DTD1: variants seen among roughly 807,000 people sequenced by gnomAD.
DTD1 encodes the protein D-tyrosyl-tRNA deacylase 1 homolog.
A neutral mutation model predicts 25.6 loss-of-function variants in DTD1; 13 were observed. The observed-to-expected ratio is 0.51, with a 90% CI of 0.33 to 0.81. DTD1 has a LOEUF of 0.81. Among genes scored for constraint, DTD1 ranks in the 30% least tolerant of loss-of-function variants. DTD1 has a pLI of 0.02. For missense variants in DTD1, 193 were observed against 266.4 expected (o/e 0.72, Z 1.92); for synonymous variants, 110 against 103.6 (o/e 1.06, Z -0.37).
intron 4 of DTD1, among the ~76,000 whole-genome samples, chr20:18,677,082 A>G (rs2060979133): frequency 6.6e-6 from 1 of 152,190 alleles, no homozygotes; most frequent in South Asian, 2.1e-4. Flanking sequence ...ACAGCTGAAT[A>G]CCTTCTCTTG....
intron 5 of DTD1, among the ~76,000 whole-genome samples, chr20:18,760,232 A>G (rs898596266): frequency 2.0e-5 from 3 of 151,942 alleles, no homozygotes; most frequent in East Asian, 1.9e-4. Context: ...TCTTCTCTCA[A>G]CTCGTCAAAG....
chr20:18,733,822 T>G (rs1224918545), intron 4 of DTD1, among the ~76,000 whole-genome samples: 1 of 152,150 alleles, frequency 6.6e-6, no homozygotes, highest in Non-Finnish European at 1.5e-5. Flanking sequence ...GTATGAAAAT[T>G]AGGTACCATG....
chr20:18,589,546 A>C (rs1346146600), intron 1 of DTD1, among the ~76,000 whole-genome samples: 1 of 152,226 alleles, frequency 6.6e-6, no homozygotes, highest in African/African-American at 2.4e-5. Context: ...AATAGGGAAT[A>C]GAGTAGCACT....
intron 3 of DTD1, among the ~76,000 whole-genome samples, chr20:18,625,659 T>C (rs116026052): frequency 6.6e-6 from 1 of 152,326 alleles, no homozygotes; most frequent in African/African-American, 2.4e-5. Context: ...CCCAGGCTTA[T>C]TTTGAACCCC....
intron 4 of DTD1, among the ~76,000 whole-genome samples, chr20:18,726,273 C>T (rs6075403): frequency 0.33 from 50,165 of 151,996 alleles, 8,636 homozygotes; most frequent in Non-Finnish European, 0.38. Flanking sequence ...TTTCAGGCTT[C>T]GTCAAGTGCA....
intron 3 of DTD1, among the ~76,000 whole-genome samples, chr20:18,598,744 C>T (rs2060621959): frequency 2.0e-5 from 3 of 151,098 alleles, no homozygotes; most frequent in Non-Finnish European, 2.9e-5. Context: ...CTCCTGACCT[C>T]GTGATCTGCC....
At chr20:18,724,748 CT>C (rs1171033221) in intron 4 of DTD1, among the ~76,000 whole-genome samples, 9 of 152,206 alleles carry the variant, frequency 5.9e-5, no homozygotes, top group African/African-American at 2.2e-4. Flanking sequence ...CTTCCCTCCC[CT>C]GGAAAGATTT....
intron 4 of DTD1, among the ~76,000 whole-genome samples, chr20:18,711,935 G>A (rs2061160547): frequency 6.6e-6 from 1 of 151,586 alleles, no homozygotes; most frequent in Admixed American, 6.6e-5. Flanking sequence ...GGGGTCGGGG[G>A]GCACGTGCCT....
intron 4 of DTD1, among the ~76,000 whole-genome samples, chr20:18,682,170 G>A (rs925270088): frequency 2.0e-5 from 3 of 152,192 alleles, no homozygotes; most frequent in African/African-American, 7.2e-5. Flanking sequence ...GGGGGAACCC[G>A]TATTTGTGAA....
intron 3 of DTD1, among the ~76,000 whole-genome samples, chr20:18,610,269 C>A (rs907737895): frequency 2.0e-5 from 3 of 152,176 alleles, no homozygotes; most frequent in Non-Finnish European, 2.9e-5. Flanking sequence ...TTATTTATTT[C>A]TTTTTGACAG....
chr20:18,673,624 A>G (rs2060958805), intron 4 of DTD1, among the ~76,000 whole-genome samples: 1 of 152,210 alleles, frequency 6.6e-6, no homozygotes, highest in Non-Finnish European at 1.5e-5. Context: ...TATGTCTAAA[A>G]TGACGTTAAA....
intron 4 of DTD1, among the ~76,000 whole-genome samples, chr20:18,658,387 G>A (rs920728863): frequency 2.0e-5 from 3 of 151,308 alleles, no homozygotes; most frequent in Non-Finnish European, 2.9e-5. Flanking sequence ...GTGCAGTGGC[G>A]CCATCTCGGC....
Position 18,596,201 on chromosome 20 carries a change from G to A in DTD1, c.330G>A (p.Leu110=). 2.5e-6 allele frequency: 4 copies of A among 1,614,146 alleles called. No homozygotes were observed. The highest frequency in any genetic ancestry group is 3.4e-6 in the Non-Finnish European group (4 of 1,180,014). Residue 110 remains leucine (L), a synonymous_variant, in exon 3 of 6, where the codon CTG becomes CTA. Transcript: ENST00000377452. The stretch of plus-strand genomic sequence containing the variant: ...CAGAGGGCTTCTACAACAGCTTCCT[G>A]GAGCAGCTGCGTAAAACATACAGGC... ...EQAEGFYNSF[L]EQLRKTYRPE...
chr20:18,676,591 C>T (rs948543433), intron 4 of DTD1, among the ~76,000 whole-genome samples: 1 of 152,132 alleles, frequency 6.6e-6, no homozygotes. Context: ...ATGTTTGAAC[C>T]TTCATTTGTC....
At chr20:18,622,346 C>T (rs2060738115) in intron 3 of DTD1, among the ~76,000 whole-genome samples, 1 of 151,786 alleles carries the variant, frequency 6.6e-6, no homozygotes, top group South Asian at 2.1e-4. Context: ...GATTTACTTC[C>T]TAGGGGGTGA....
At chr20:18,624,256 G>T (rs1174070246) in intron 3 of DTD1, among the ~76,000 whole-genome samples, 1 of 152,102 alleles carries the variant, frequency 6.6e-6, no homozygotes, top group Non-Finnish European at 1.5e-5. Flanking sequence ...CAGAGCTCCT[G>T]CAGTGAGGTT....
chr20:18,649,854 T>A (rs1404028985), intron 4 of DTD1, among the ~76,000 whole-genome samples: 3 of 152,298 alleles, frequency 2.0e-5, no homozygotes, highest in East Asian at 1.9e-4. Context: ...ATATTGTGTG[T>A]ATCACCTCCG....
intron 4 of DTD1, among the ~76,000 whole-genome samples, chr20:18,704,712 G>T (rs1346813658): frequency 6.6e-6 from 1 of 152,114 alleles, no homozygotes; most frequent in African/African-American, 2.4e-5. Flanking sequence ...AGAGGCCAGG[G>T]TTGCTACTCA....
chr20:18,659,301 G>A (rs1044970323), intron 4 of DTD1, among the ~76,000 whole-genome samples: 1 of 152,106 alleles, frequency 6.6e-6, no homozygotes, highest in Non-Finnish European at 1.5e-5. Flanking sequence ...TGGCCCTGTT[G>A]CTCCCCACCA....
Sources: gnomAD v4.1 joint callset for allele counts (sites outside exome capture counted in the v4.1 genomes callset) on GRCh38, gnomAD v4.1.1 for gene constraint, MANE v1.5 for transcripts, NCBI Gene and HGNC (gene_info 2026-07-23, HGNC 2026-07-21) for gene names.